Variants in ITGA9 observed in about 807,000 individuals in gnomAD.
The protein encoded by ITGA9 is integrin alpha-9.
ITGA9 carries 56 observed loss-of-function variants against 127.8 expected under a neutral mutation model. The ratio of observed to expected loss-of-function variants is 0.44; its 90% CI spans 0.35 to 0.55. The LOEUF (loss-of-function observed/expected upper bound fraction) is 0.55. ITGA9 is among the 20% of genes least tolerant of loss of function. The pLI, the probability that ITGA9 is intolerant of heterozygous loss-of-function variation, is 0.00. For missense variants in ITGA9, 1,196 were observed against 1,347.1 expected, an observed-to-expected ratio of 0.89 and a Z score of 1.76; for synonymous variants, 508 against 514.5, an observed-to-expected ratio of 0.99 and a Z score of 0.17.
chr3:37,618,452 A>G (rs989798169), intron 15 of ITGA9, among the ~76,000 whole-genome samples: 55 of 152,308 alleles, frequency 3.6e-4, no homozygotes, highest in African/African-American at 1.1e-3. Context: ...TCAGATCTCA[A>G]GCTGCCTGCT....
In ITGA9 at chr3:37,743,950, A is replaced by G. The variant is rs1696468721; in HGVS notation, c.2349A>G (p.Val783=). 3 of 1,613,906 alleles carry G rather than the reference A, an allele frequency of 1.9e-6. No individual in the cohort carries two copies. The highest frequency in any genetic ancestry group is 2.7e-5 in the African/African-American group (2 of 75,054). The change falls in exon 22 of 28, where the codon GTA becomes GTG. Residue 783 remains valine, a synonymous_variant. Coordinates refer to ENST00000264741, the MANE Select transcript of ITGA9 (RefSeq NM_002207.3). ...ITGIMSPTSF[V]YGESVDAANF... ...GAATCATGTCTCCAACCTCCTTTGT[A>G]TATGGCGAGTCCGTGGACGCAGCCA...
At chr3:37,612,860 T>A (rs1278340719) in intron 15 of ITGA9, among the ~76,000 whole-genome samples, 2 of 152,306 alleles carry the variant, frequency 1.3e-5, no homozygotes, top group Non-Finnish European at 2.9e-5. Flanking sequence ...GACAAAGATA[T>A]TTTGTGAGTG....
chr3:37,564,734 A>T (rs1197524530), intron 15 of ITGA9, among the ~76,000 whole-genome samples: 1 of 152,214 alleles, frequency 6.6e-6, no homozygotes, highest in Admixed American at 6.5e-5. Context: ...TGCAAACATG[A>T]TGCTGGGCTG....
chr3:37,539,820 C>A (rs537573667), intron 14 of ITGA9, among the ~76,000 whole-genome samples: 1 of 152,264 alleles, frequency 6.6e-6, no homozygotes, highest in Admixed American at 6.5e-5. Context: ...GCAGCTGGAG[C>A]TCAGTCCTGC....
At chr3:37,558,159 CAGG>C (rs754361381) in intron 15 of ITGA9, among the ~76,000 whole-genome samples, 13 of 152,334 alleles carry the variant, frequency 8.5e-5, no homozygotes, top group Non-Finnish European at 1.3e-4. Flanking sequence ...CCAGGGCAGG[CAGG>C]AGTCCTGGGG....
intron 18 of ITGA9, among the ~76,000 whole-genome samples, chr3:37,694,705 C>CT (rs140912318): frequency 0.032 from 4,875 of 152,220 alleles, 104 homozygotes; most frequent in Non-Finnish European, 0.049. Flanking sequence ...CTCTAGATTT[C>CT]TTTTTTTCTA....
In ITGA9 at chr3:37,799,971, C is replaced by A. The variant is rs1257048183; in HGVS notation, c.2890-3852C>A. Among the ~76,000 whole-genome samples, 2 of 152,186 alleles carry A rather than the reference C, an allele frequency of 1.3e-5. No homozygotes were observed. The highest frequency in any genetic ancestry group is 2.9e-5 in the Non-Finnish European group (2 of 68,044). ...TGACTTCCTAGAGCTACAGGACACT[C>A]AGCTCATCACTCACAGATGAGTTTG... On this transcript the variant is annotated intron_variant, in intron 26 of 27. Transcript: ENST00000264741. The surrounding 1 kb of genome is among the most constrained non-coding windows in gnomAD (Gnocchi z 4.0).
chr3:37,506,706 C>T lies in ITGA9; in HGVS notation c.828+621C>T, dbSNP rs369581542. ...TCTGAGGGGCCTGAATTGTGAACTA[C>T]GCTTGTTGGTTCTTTATCATGAAGG... On this transcript the variant is annotated intron_variant, in intron 7 of 27. Coordinates refer to ENST00000264741, the MANE Select transcript of ITGA9 (RefSeq NM_002207.3). 1.1e-4 allele frequency among the ~76,000 whole-genome samples: 17 copies of T among 152,150 alleles called. 1 individual carries two copies. The South Asian group carries it at 1.4e-3, about 13-fold the overall frequency.
At chr3:37,491,749 T>C (rs1213505050) in intron 4 of ITGA9, among the ~76,000 whole-genome samples, 1 of 152,244 alleles carries the variant, frequency 6.6e-6, no homozygotes, top group African/African-American at 2.4e-5. Context: ...GTTGTATTTT[T>C]AAGTTTTTTA....
intron 26 of ITGA9, among the ~76,000 whole-genome samples, chr3:37,793,886 C>T (rs1442868856): frequency 6.6e-6 from 1 of 152,094 alleles, no homozygotes; most frequent in Non-Finnish European, 1.5e-5. Flanking sequence ...GCCACTTTAC[C>T]CTCTAAAAGT....
At chr3:37,510,158 T>C (rs1698887106) in intron 8 of ITGA9, among the ~76,000 whole-genome samples, 1 of 151,382 alleles carries the variant, frequency 6.6e-6, no homozygotes, top group Non-Finnish European at 1.5e-5. Flanking sequence ...TGTGCCACCA[T>C]GCCCAGCAAA....
chr3:37,674,244 G>C (rs1559564153), intron 17 of ITGA9, among the ~76,000 whole-genome samples: 1 of 152,204 alleles, frequency 6.6e-6, no homozygotes, highest in South Asian at 2.1e-4. Flanking sequence ...GGGGACTTTG[G>C]AATAACTCTC....
intron 18 of ITGA9, among the ~76,000 whole-genome samples, chr3:37,729,243 G>A (rs1436058521): frequency 1.3e-5 from 2 of 152,102 alleles, no homozygotes; most frequent in African/African-American, 2.4e-5. Flanking sequence ...TTTGGTCAGG[G>A]CAGTTGACAT....
chr3:37,603,405 T>C (rs939573829), intron 15 of ITGA9, among the ~76,000 whole-genome samples: 1 of 152,224 alleles, frequency 6.6e-6, no homozygotes, highest in Non-Finnish European at 1.5e-5. Context: ...GTGTATGTTA[T>C]ATGCAAATTC....
intron 14 of ITGA9, among the ~76,000 whole-genome samples, chr3:37,541,632 G>A (rs772225829): frequency 6.6e-6 from 1 of 152,092 alleles, no homozygotes; most frequent in Non-Finnish European, 1.5e-5. Flanking sequence ...AGGTATGGGG[G>A]TGAGTTATTC....
At chr3:37,587,988 C>T (rs1699775333) in intron 15 of ITGA9, among the ~76,000 whole-genome samples, 2 of 152,204 alleles carry the variant, frequency 1.3e-5, no homozygotes, top group African/African-American at 4.8e-5. Flanking sequence ...TGTCTTCTCT[C>T]CTTGGGAAAT....
chr3:37,678,997 G>C (rs1025772783), intron 17 of ITGA9, among the ~76,000 whole-genome samples: 3 of 152,088 alleles, frequency 2.0e-5, no homozygotes, highest in African/African-American at 7.2e-5. Flanking sequence ...TCAAAAAAAA[G>C]CCAGCTGCTA....
intron 23 of ITGA9, among the ~76,000 whole-genome samples, chr3:37,762,431 A>T (rs1696733360): frequency 6.6e-6 from 1 of 152,210 alleles, no homozygotes; most frequent in Admixed American, 6.5e-5. Flanking sequence ...AAGACATGTC[A>T]TGGGGGAGAG....
chr3:37,506,751 G>T (rs1698847758), intron 7 of ITGA9, among the ~76,000 whole-genome samples: 1 of 152,194 alleles, frequency 6.6e-6, no homozygotes, highest in Admixed American at 6.5e-5. Flanking sequence ...TCCAGATTGA[G>T]TAGGTACAGA....
Sources: gnomAD v4.1 joint callset for allele counts (sites outside exome capture counted in the v4.1 genomes callset) on GRCh38, gnomAD v4.1.1 for gene constraint, Gnocchi (gnomAD v3.1) non-coding constraint, MANE v1.5 for transcripts, NCBI Gene and HGNC (gene_info 2026-07-23, HGNC 2026-07-21) for gene names.